BLK: variants seen among roughly 807,000 people sequenced by gnomAD.
BLK encodes the protein tyrosine-protein kinase Blk.
BLK carries 64 observed loss-of-function variants against 61.8 expected under a neutral mutation model. The ratio of observed to expected loss-of-function variants is 1.03; its 90% CI spans 0.85 to 1.27. The LOEUF is 1.27. BLK is among the 50% of genes most tolerant of loss of function. The probability of loss-of-function intolerance (pLI) is 0.00; values close to 1 mark genes in which losing one functional copy is unlikely to be tolerated. For missense variants in BLK, 853 were observed against 660.5 expected, an observed-to-expected ratio of 1.29 and a Z score of -3.19; for synonymous variants, 351 against 272.0, an observed-to-expected ratio of 1.29 and a Z score of -2.86.
intron 1 of BLK, among the ~76,000 whole-genome samples, chr8:11,520,527 A>T (rs1271095214): frequency 6.6e-6 from 1 of 151,264 alleles, no homozygotes; most frequent in Non-Finnish European, 1.5e-5. Flanking sequence ...GAAAGAAAAG[A>T]AAAGGAAAAG....
intron 4 of BLK, 69 bp from the exon 5 acceptor site, chr8:11,548,955 C>A: frequency 1.4e-6 from 2 of 1,382,410 alleles, no homozygotes; most frequent in East Asian, 2.4e-5. Flanking sequence ...TTTGAGGAGG[C>A]CTGAGAGCTG....
chr8:11,558,736 C>T (rs780441047), intron 10 of BLK: 18 of 456,140 alleles, frequency 3.9e-5, no homozygotes, highest in Non-Finnish European at 7.0e-5. Context: ...GCAGGAAGCA[C>T]ATCTGGTGGC....
chr8:11,556,401 C>A, intron 8 of BLK: 1 of 527,272 alleles, frequency 1.9e-6, no homozygotes, highest in Admixed American at 3.0e-5. Context: ...GACAGAAGGA[C>A]ACAGGCCCAG....
intron 1 of BLK, among the ~76,000 whole-genome samples, chr8:11,530,329 G>A (rs965300465): frequency 1.3e-5 from 2 of 152,188 alleles, no homozygotes; most frequent in Non-Finnish European, 2.9e-5. Context: ...GTCAGAAAGT[G>A]ACATTCTTTA....
chr8:11,548,144 AT>A lies in BLK; in HGVS notation c.269+20del. 1 of 1,596,144 alleles carries A rather than the reference AT, an allele frequency of 6.3e-7. No homozygotes were observed. Among genetic ancestry groups the A allele is most frequent in the East Asian group, 2.2e-5 (1 of 44,788 alleles). ...TGAAGGGGTGAGGTTCCAGGACACC[AT>A]CCCCTGTCCCTGCAGGACCCCCCTC... On this transcript the variant is annotated intron_variant, in intron 4 of 12. Transcript: ENST00000259089.
intron 10 of BLK, chr8:11,558,501 A>T (rs1801335700): frequency 5.3e-6 from 2 of 374,434 alleles, no homozygotes; most frequent in Non-Finnish European, 1.1e-5. Context: ...CGTCGACCCC[A>T]GGCTGATGGG....
At chr8:11,559,649 C>A (rs1266983139) in intron 10 of BLK, 2 of 422,332 alleles carry the variant, frequency 4.7e-6, no homozygotes, top group East Asian at 1.4e-4. Context: ...AAGGCCAGAT[C>A]TGGCCAACCC....
chr8:11,526,262 T>C (rs1799648213), intron 1 of BLK, among the ~76,000 whole-genome samples: 1 of 152,246 alleles, frequency 6.6e-6, no homozygotes, highest in African/African-American at 2.4e-5. Flanking sequence ...TTTTGTATCC[T>C]AGTGATTGGC....
intron 1 of BLK, among the ~76,000 whole-genome samples, chr8:11,530,141 T>TAGGCTC: frequency 6.6e-6 from 1 of 152,360 alleles, no homozygotes; most frequent in East Asian, 1.9e-4. Flanking sequence ...ATTGGCCATA[T>TAGGCTC]AGGCTCTTTT....
intron 10 of BLK, chr8:11,558,556 G>A: frequency 2.3e-6 from 1 of 435,272 alleles, no homozygotes; most frequent in Non-Finnish European, 4.6e-6. Context: ...ACTTCTCTGA[G>A]CCCTGGAGGA....
intron 1 of BLK, among the ~76,000 whole-genome samples, chr8:11,524,247 A>T (rs911603276): frequency 6.6e-6 from 1 of 152,208 alleles, no homozygotes; most frequent in Non-Finnish European, 1.5e-5. Flanking sequence ...ACACAATATA[A>T]ACAGTTTGGC....
At chr8:11,550,658 T>C (rs556062427) in intron 6 of BLK, among the ~76,000 whole-genome samples, 3 of 152,240 alleles carry the variant, frequency 2.0e-5, no homozygotes, top group Non-Finnish European at 4.4e-5. Flanking sequence ...AGCCAGAGGC[T>C]GCAGGTAGCA....
At chr8:11,543,201 T>G (rs748339859) in intron 1 of BLK, 23 bp from the exon 2 acceptor site, 2 of 1,613,410 alleles carry the variant, frequency 1.2e-6, no homozygotes, top group Non-Finnish European at 1.7e-6. Context: ...TCATGTCCTC[T>G]GTCTGCTGTG....
intron 1 of BLK, among the ~76,000 whole-genome samples, chr8:11,526,276 A>G (rs1435399148): frequency 2.6e-5 from 4 of 152,198 alleles, no homozygotes; most frequent in Admixed American, 2.0e-4. Flanking sequence ...GATTGGCTTT[A>G]TGACTTTAAA....
intron 1 of BLK, among the ~76,000 whole-genome samples, chr8:11,534,165 G>T (rs74994552): frequency 0.012 from 1,880 of 152,286 alleles, 16 homozygotes; most frequent in Non-Finnish European, 0.02. Context: ...CAGAACTATT[G>T]TGCCAAAGAA....
At chr8:11,553,341 C>T (rs1321598310) in intron 6 of BLK, 6 of 418,134 alleles carry the variant, frequency 1.4e-5, no homozygotes, top group East Asian at 7.6e-5. Context: ...GAGCCAGGCC[C>T]TGCCTGCCCA....
intron 1 of BLK, among the ~76,000 whole-genome samples, 155 bp from the exon 2 acceptor site, chr8:11,543,069 G>A (rs558427149): frequency 3.3e-5 from 5 of 152,188 alleles, no homozygotes; most frequent in African/African-American, 9.6e-5. Context: ...TCACCCACCC[G>A]CTTCTACCCA....
intron 1 of BLK, chr8:11,509,245 A>G (rs1798902252): frequency 6.6e-6 from 1 of 152,122 alleles, no homozygotes; most frequent in African/African-American, 2.4e-5. Flanking sequence ...TCGGGACCCC[A>G]GCTCGGTTTC....
chr8:11,532,320 T>C (rs1295933991), intron 1 of BLK, among the ~76,000 whole-genome samples: 4 of 150,902 alleles, frequency 2.7e-5, no homozygotes, highest in Non-Finnish European at 4.4e-5. Flanking sequence ...TGCCTCAGGC[T>C]CCCAAGTAGC....
Sources: allele counts gnomAD v4.1 joint callset (sites outside exome capture counted in the v4.1 genomes callset), GRCh38; gene constraint gnomAD v4.1.1; transcripts MANE v1.5; gene names NCBI Gene and HGNC (gene_info 2026-07-23, HGNC 2026-07-21).